Variants in ANKRD50 observed in about 807,000 individuals in gnomAD.
ANKRD50 encodes ankyrin repeat domain 50.
In ANKRD50, 40 loss-of-function variants were observed where a neutral mutation model predicts 112.0. That is an observed-to-expected ratio of 0.36 (90% CI 0.28 to 0.46). The LOEUF is 0.46. Among genes scored for constraint, ANKRD50 ranks in the 20% least tolerant of loss-of-function variants. The pLI is 1.00. For missense variants in ANKRD50, 1,487 were observed against 1,701.7 expected, an observed-to-expected ratio of 0.87 and a Z score of 2.22; for synonymous variants, 613 against 619.1, an observed-to-expected ratio of 0.99 and a Z score of 0.15.
intron 2 of ANKRD50, among the ~76,000 whole-genome samples, chr4:124,699,083 C>T (rs989989152): frequency 5.3e-5 from 8 of 152,018 alleles, no homozygotes; most frequent in African/African-American, 1.9e-4. Flanking sequence ...TATATCTCCC[C>T]TTATGGTCAA....
At chr4:124,697,690 T>C (rs978376784) in intron 2 of ANKRD50, among the ~76,000 whole-genome samples, 8 of 152,204 alleles carry the variant, frequency 5.3e-5, no homozygotes, top group African/African-American at 1.9e-4. Flanking sequence ...AAACCTCTTT[T>C]CTTTAAAACT....
At position 124,669,620 on chromosome 4, in the gene ANKRD50, C is replaced by A. The variant is rs757377939; in HGVS notation, c.3657G>T (p.Gln1219His). Residue 1219 changes from glutamine to histidine, a missense_variant, in exon 4 of 5, where the codon CAG becomes CAT. Gln to His is a conservative substitution (Grantham distance 24). Transcript: ENST00000504087. ...FHNLSFTEQI[Q>H]QHSLPRSRSR... The stretch of plus-strand genomic sequence containing the variant: ...TTCTACTGCGTGGCAATGAATGCTG[C>A]TGAATTTGTTCTGTAAATGACAAGT... The A allele has an allele frequency of 3.7e-6, 6 of 1,613,604 alleles. No individual in the cohort carries two copies. In the Admixed American group the frequency reaches 1.0e-4, roughly 27 times the overall value.
rs769326497 is a variant in ANKRD50 at position 124,671,610 on chromosome 4, C to T, written c.1667G>A (p.Gly556Asp). Residue 556 changes from glycine to aspartate, a missense_variant, in exon 4 of 5, where the codon GGC (glycine) becomes GAC (aspartate). By Grantham distance (94) the Gly-to-Asp change is moderately conservative (BLOSUM62 -1). This residue lies in a region of ANKRD50 where 1,046 missense variants were observed against 1,269.5 expected (regional missense o/e 0.82). Coordinates refer to ENST00000504087, the MANE Select transcript of ANKRD50 (RefSeq NM_020337.3). Reference sequence around the variant, plus strand: ...AAGTAAATTGACTACATCAAGACTGCCACTATATGCAGCATTAGCCAATAA... The same window carrying T: ...AAGTAAATTGACTACATCAAGACTGTCACTATATGCAGCATTAGCCAATAA... ...RTLLANAAYS[G>D]SLDVVNLLVS... 6.2e-7 allele frequency: 1 copy of T among 1,613,868 alleles called. No individual in the cohort carries two copies. Among genetic ancestry groups the T allele is most frequent in the Non-Finnish European group, 8.5e-7 (1 of 1,179,856 alleles).
rs751149010 is a variant in ANKRD50 at position 124,665,467 on chromosome 4, T to C, written c.*2051A>G. ...TACAATTTCAATAATTCAAAGTTAA[T>C]AGAAAAACTGGCAGCTTTCAGGGTT... On this transcript the variant is annotated 3_prime_UTR_variant, in exon 5 of 5. Transcript: ENST00000504087. The C allele has an allele frequency of 1.3e-5, 2 of 152,288 alleles. No homozygotes were observed. Among genetic ancestry groups the C allele is most frequent in the Non-Finnish European group, 1.5e-5 (1 of 67,860 alleles). The allele number at this position is 152,288 out of a possible 1,614,324, so 9.4% of individuals were successfully genotyped here. A position where few individuals can be genotyped will look rare whatever the true frequency, so the allele number is the denominator to read the frequency against.
intron 2 of ANKRD50, among the ~76,000 whole-genome samples, chr4:124,708,718 AC>A (rs1410497820): frequency 6.7e-6 from 1 of 150,252 alleles, no homozygotes; most frequent in Non-Finnish European, 1.5e-5. Flanking sequence ...ACACACACAC[AC>A]ATACACACAC....
chr4:124,682,866 C>T (rs1026487654), intron 2 of ANKRD50, among the ~76,000 whole-genome samples: 1 of 151,992 alleles, frequency 6.6e-6, no homozygotes, highest in Non-Finnish European at 1.5e-5. Flanking sequence ...TTATCATTTA[C>T]ACTTAATGTA....
Position 124,710,486 on chromosome 4 carries a change from AC to A in ANKRD50, c.25del (p.Val9SerfsTer46), listed in dbSNP as rs778052162. The A allele has an allele frequency of 1.9e-6, 3 of 1,613,016 alleles. No individual in the cohort carries two copies. Among genetic ancestry groups the A allele is most frequent in the Non-Finnish European group, 2.5e-6 (3 of 1,179,872 alleles). On this transcript the variant is annotated frameshift_variant, in exon 2 of 5. Transcript: ENST00000504087. LOFTEE classifies it high-confidence loss of function. MTNPWEEK[V>X]CKMAQTSLLQ... The stretch of plus-strand genomic sequence containing the variant: ...TAAACTGGTTTGAGCCATTTTGCAG[AC>A]TTTCTCTTCCCAAGGATTAGTCATA...
intron 2 of ANKRD50, among the ~76,000 whole-genome samples, chr4:124,695,169 A>C (rs1428295253): frequency 6.6e-6 from 1 of 152,134 alleles, no homozygotes; most frequent in African/African-American, 2.4e-5. Flanking sequence ...AAGAACTAGA[A>C]AAAAAATGAA....
At chr4:124,683,710 T>C (rs28691726) in intron 2 of ANKRD50, among the ~76,000 whole-genome samples, 7,913 of 148,180 alleles carry the variant, frequency 0.053, 229 homozygotes, top group Middle Eastern at 0.084. Context: ...GAAATTGAGA[T>C]AGTGCCACTC....
Position 124,670,868 on chromosome 4 carries a change from CCAAAA to C in ANKRD50, c.2404_2408del (p.Phe802GlyfsTer6). ...TATCAATACTATCCACAGCTGCACC[CCAAAA>C]CAAAAGTGTATTTACAACTGATGCA... On this transcript the variant is annotated frameshift_variant, in exon 4 of 5. Coordinates refer to ENST00000504087, the MANE Select transcript of ANKRD50 (RefSeq NM_020337.3). LOFTEE classifies it high-confidence loss of function. The C allele has an allele frequency of 2.5e-6, 4 of 1,613,852 alleles. No individual in the cohort carries two copies. Among genetic ancestry groups the C allele is most frequent in the Non-Finnish European group, 3.4e-6 (4 of 1,179,880 alleles).
At chr4:124,681,890 T>C (rs1724894517) in intron 2 of ANKRD50, among the ~76,000 whole-genome samples, 1 of 152,184 alleles carries the variant, frequency 6.6e-6, no homozygotes, top group Non-Finnish European at 1.5e-5. Context: ...AAGTGAGTTA[T>C]ATAGCTTTCA....
At chr4:124,704,281 C>T (rs923553597) in intron 2 of ANKRD50, among the ~76,000 whole-genome samples, 3 of 152,140 alleles carry the variant, frequency 2.0e-5, no homozygotes, top group Non-Finnish European at 4.4e-5. Flanking sequence ...TTAAATAGCA[C>T]TAGTTATACA....
At chr4:124,697,430 G>A (rs1293839093) in intron 2 of ANKRD50, among the ~76,000 whole-genome samples, 2 of 152,166 alleles carry the variant, frequency 1.3e-5, no homozygotes, top group African/African-American at 2.4e-5. Context: ...TTTAAGAGGT[G>A]AATAGGTTAT....
chr4:124,683,377 C>A (rs1724936348), intron 2 of ANKRD50, among the ~76,000 whole-genome samples: 1 of 151,748 alleles, frequency 6.6e-6, no homozygotes, highest in Non-Finnish European at 1.5e-5. Flanking sequence ...TACATGCAAT[C>A]TGTAATGATC....
At chr4:124,690,980 T>C (rs1004894986) in intron 2 of ANKRD50, among the ~76,000 whole-genome samples, 2 of 152,200 alleles carry the variant, frequency 1.3e-5, no homozygotes, top group Non-Finnish European at 2.9e-5. Context: ...ATAAATATAA[T>C]GTATTCTCTT....
intron 3 of ANKRD50, among the ~76,000 whole-genome samples, chr4:124,678,114 T>C (rs985755281): frequency 1.3e-5 from 2 of 152,090 alleles, no homozygotes; most frequent in Admixed American, 6.6e-5. Flanking sequence ...GTAAAATGTA[T>C]AGAACTACTC....
Position 124,669,524 on chromosome 4 carries a change from A to C in ANKRD50, c.3753T>G (p.Ser1251Arg), listed in dbSNP as rs749457631. The C allele has an allele frequency of 6.2e-7, 1 of 1,612,630 alleles. No individual in the cohort carries two copies. Among genetic ancestry groups the C allele is most frequent in the South Asian group, 1.1e-5 (1 of 90,712 alleles). The stretch of plus-strand genomic sequence containing the variant: ...GCTTTACTTGACTCCACTCAAATTC[A>C]CTACTTGGTGAATTATGACTCTGTC... ...SLGQSHNSPS[S>R]EFEWSQVKPS... The change falls in exon 4 of 5, where the codon AGT (serine) becomes AGG (arginine). Residue 1251 changes from serine to arginine, a missense_variant. Transcript: ENST00000504087.
At chr4:124,684,473 T>C (rs992445045) in intron 2 of ANKRD50, among the ~76,000 whole-genome samples, 1 of 152,154 alleles carries the variant, frequency 6.6e-6, no homozygotes, top group African/African-American at 2.4e-5. Flanking sequence ...CTCCTGCACA[T>C]ACATGGCTCA....
At chr4:124,689,042 A>G (rs1442759596) in intron 2 of ANKRD50, among the ~76,000 whole-genome samples, 1 of 152,146 alleles carries the variant, frequency 6.6e-6, no homozygotes, top group Non-Finnish European at 1.5e-5. Context: ...TTCTCTATGT[A>G]TACACTCCTA....
Sources: allele counts gnomAD v4.1 joint callset (sites outside exome capture counted in the v4.1 genomes callset), GRCh38; gene constraint gnomAD v4.1.1; regional missense constraint gnomAD v4.1.1; transcripts MANE v1.5; gene names NCBI Gene and HGNC (gene_info 2026-07-23, HGNC 2026-07-21).